Variants in MAST4 observed in about 807,000 individuals in gnomAD.
The protein encoded by MAST4 is microtubule associated serine/threonine kinase family member 4, also known as microtubule-associated serine/threonine-protein kinase 4.
In MAST4, 89 loss-of-function variants were observed where a neutral mutation model predicts 162.7. The observed-to-expected ratio is 0.55, with a 90% CI of 0.46 to 0.65. The LOEUF (loss-of-function observed/expected upper bound fraction) is 0.65, where lower values mean the gene tolerates loss of function less well. MAST4 is among the 30% of genes least tolerant of loss of function. The pLI is 0.00. For missense variants in MAST4, 3,153 were observed against 3,374.0 expected, an observed-to-expected ratio of 0.93 and a Z score of 1.62; for synonymous variants, 1,479 against 1,361.1, an observed-to-expected ratio of 1.09 and a Z score of -1.91.
intron 4 of MAST4, chr5:66,959,028 A>G: frequency 2.0e-6 from 1 of 500,716 alleles, no homozygotes; most frequent in Non-Finnish European, 3.6e-6. Context: ...CTTTAACAAA[A>G]TCAGTGCAGT....
chr5:66,875,073 A>G (rs940415873), intron 3 of MAST4, among the ~76,000 whole-genome samples: 1 of 152,204 alleles, frequency 6.6e-6, no homozygotes, highest in African/African-American at 2.4e-5. Context: ...TAAAATGTCT[A>G]CATTTTTGAG....
intron 3 of MAST4, among the ~76,000 whole-genome samples, chr5:66,885,007 C>A (rs27424): frequency 0.28 from 42,923 of 152,020 alleles, 6,289 homozygotes; most frequent in East Asian, 0.53. Context: ...CCTGCTTCGA[C>A]GGAGTGTTAT....
At chr5:66,816,832 G>A (rs1756753561) in intron 3 of MAST4, among the ~76,000 whole-genome samples, 1 of 152,168 alleles carries the variant, frequency 6.6e-6, no homozygotes, top group Non-Finnish European at 1.5e-5. Context: ...ATCACCTGGG[G>A]TGACTTCAGA....
At chr5:66,924,563 G>A (rs549682114) in intron 4 of MAST4, among the ~76,000 whole-genome samples, 2 of 151,866 alleles carry the variant, frequency 1.3e-5, no homozygotes, top group African/African-American at 4.8e-5. Flanking sequence ...CCACCACCGC[G>A]CCCGGCTAAT....
chr5:66,759,580 T>C (rs1753736385), intron 1 of MAST4, 129 bp from the exon 2 acceptor site: 2 of 1,160,368 alleles, frequency 1.7e-6, no homozygotes, highest in Non-Finnish European at 2.4e-6. Flanking sequence ...CGTAGCAAAA[T>C]TGAACACAGT....
intron 3 of MAST4, among the ~76,000 whole-genome samples, chr5:66,861,535 T>C (rs1245479861): frequency 1.3e-5 from 2 of 152,226 alleles, no homozygotes; most frequent in African/African-American, 4.8e-5. Context: ...TTTTTCACTA[T>C]GATAGAGAGT....
At chr5:66,988,871 T>C (rs10041606) in intron 4 of MAST4, among the ~76,000 whole-genome samples, 81,048 of 152,068 alleles carry the variant, frequency 0.53, 22,237 homozygotes, top group East Asian at 0.66. Context: ...ACATACATGG[T>C]TCACATTTTA....
intron 1 of MAST4, among the ~76,000 whole-genome samples, chr5:66,696,731 C>G (rs1001725410): frequency 1.4e-5 from 2 of 143,172 alleles, no homozygotes; most frequent in African/African-American, 2.7e-5. Flanking sequence ...TATAATAATA[C>G]CGAGATATCA....
rs532064165 is a variant in MAST4, at chr5:66,996,080, C to T, written c.675-58324C>T. ...ATTGCCTAAGGTCAGGAGTTTGAGA[C>T]CAGCCTGGCCAACATAGTGAAATCC... On this transcript the variant is annotated intron_variant, in intron 4 of 28. Coordinates refer to ENST00000403625, the MANE Select transcript of MAST4 (RefSeq NM_001164664.2). 5.9e-5 allele frequency among the ~76,000 whole-genome samples: 9 copies of T among 152,210 alleles called. No homozygotes were observed. In the South Asian group the frequency reaches 1.9e-3, roughly 32 times the overall value.
At chr5:66,981,761 C>G (rs1748873158) in intron 4 of MAST4, among the ~76,000 whole-genome samples, 1 of 152,118 alleles carries the variant, frequency 6.6e-6, no homozygotes, top group South Asian at 2.1e-4. Context: ...AAGAGAGGCT[C>G]TGACCCACTT....
At chr5:66,703,478 G>A (rs1274739294) in intron 1 of MAST4, among the ~76,000 whole-genome samples, 1 of 152,198 alleles carries the variant, frequency 6.6e-6, no homozygotes, top group Non-Finnish European at 1.5e-5. Context: ...GGGAATGGGA[G>A]TAGCAAGATC....
chr5:66,765,552 C>G (rs1754056066), intron 2 of MAST4, among the ~76,000 whole-genome samples: 1 of 152,054 alleles, frequency 6.6e-6, no homozygotes, highest in African/African-American at 2.4e-5. Context: ...GATGTGACAG[C>G]TGACTGTAAT....
At chr5:66,726,251 G>A (rs77605898) in intron 1 of MAST4, among the ~76,000 whole-genome samples, 3 of 152,068 alleles carry the variant, frequency 2.0e-5, no homozygotes, top group Non-Finnish European at 4.4e-5. Flanking sequence ...GAAGTGGCAG[G>A]TGTATAGGTA....
At chr5:66,775,307 C>T (rs1477611582) in intron 2 of MAST4, among the ~76,000 whole-genome samples, 1 of 152,044 alleles carries the variant, frequency 6.6e-6, no homozygotes, top group African/African-American at 2.4e-5. Context: ...TCCCCCAACT[C>T]AGCCCACTGA....
At chr5:66,869,681 G>C (rs777242124) in intron 3 of MAST4, among the ~76,000 whole-genome samples, 8 of 152,154 alleles carry the variant, frequency 5.3e-5, no homozygotes, top group Non-Finnish European at 1.0e-4. Context: ...CCTAGACGAA[G>C]AAGAAAAAGA....
chr5:66,627,455 A>G (rs1292207136), intron 1 of MAST4, among the ~76,000 whole-genome samples: 4 of 152,200 alleles, frequency 2.6e-5, no homozygotes, highest in African/African-American at 9.7e-5. Flanking sequence ...AGATGTGATC[A>G]ACCATGTTCA....
chr5:66,959,364 A>G (rs568101680), intron 4 of MAST4: 91 of 775,038 alleles, frequency 1.2e-4, no homozygotes, highest in South Asian at 1.2e-3. Flanking sequence ...ACCAATAGCT[A>G]TTTAGCATTT....
At chr5:66,638,881 G>A (rs1169037560) in intron 1 of MAST4, among the ~76,000 whole-genome samples, 1 of 152,118 alleles carries the variant, frequency 6.6e-6, no homozygotes, top group Non-Finnish European at 1.5e-5. Context: ...GTGTAATTGG[G>A]TGCCATTTAC....
In MAST4 at chr5:67,153,528, G is replaced by A. The variant is rs199850727; in HGVS notation, c.3596G>A (p.Gly1199Glu). The change falls in exon 26 of 29, where the codon GGA becomes GAA. Residue 1199 changes from glycine (G) to glutamate (E), a missense_variant. Transcript: ENST00000403625. ...GGAGATCTTATCACTCACATCAATG[G>A]AGAACCAGTGCATGGACTTGTCCAC... The part of the protein sequence containing the change: ...KAGDLITHIN[G>E]EPVHGLVHTE... The A allele has an allele frequency of 1.3e-5, 21 of 1,600,222 alleles. No individual in the cohort carries two copies. Among genetic ancestry groups the A allele is most frequent in the Non-Finnish European group, 1.5e-5 (18 of 1,172,962 alleles).
Sources: allele counts gnomAD v4.1 joint callset (sites outside exome capture counted in the v4.1 genomes callset), GRCh38; gene constraint gnomAD v4.1.1; transcripts MANE v1.5; gene names NCBI Gene and HGNC (gene_info 2026-07-23, HGNC 2026-07-21).